The following RNF138 variants were observed in gnomAD, a reference collection of about 807,000 sequenced individuals.
The protein encoded by RNF138 is E3 ubiquitin-protein ligase RNF138.
A neutral mutation model predicts 31.0 loss-of-function variants in RNF138; 12 were observed. That is an observed-to-expected ratio of 0.39 (90% CI 0.25 to 0.63). The LOEUF (loss-of-function observed/expected upper bound fraction) is 0.63, where lower values mean the gene tolerates loss of function less well. RNF138 is among the 20% of genes least tolerant of loss of function. The pLI, the probability that RNF138 is intolerant of heterozygous loss-of-function variation, is 0.52. For missense variants in RNF138, 192 were observed against 300.1 expected (o/e 0.64, Z 2.66); for synonymous variants, 105 against 99.5 (o/e 1.06, Z -0.33).
intron 2 of RNF138, among the ~76,000 whole-genome samples, chr18:32,095,180 T>A (rs112004208): frequency 6.6e-6 from 1 of 151,798 alleles, no homozygotes; most frequent in African/African-American, 2.4e-5. Context: ...AAATTATCGT[T>A]TTTTTTTGAG....
At chr18:32,108,346 C>G (rs563582021) in intron 2 of RNF138, among the ~76,000 whole-genome samples, 7 of 152,268 alleles carry the variant, frequency 4.6e-5, no homozygotes, top group Non-Finnish European at 7.4e-5. Context: ...ATCCCACCTC[C>G]TTCAGGATAC....
chr18:32,128,974 G>GTTAT (rs976980483), intron 7 of RNF138, 145 bp from the exon 8 acceptor site: 2 of 592,688 alleles, frequency 3.4e-6, no homozygotes, highest in African/African-American at 3.7e-5. Context: ...AAAAGATACT[G>GTTAT]TTATATATGT....
chr18:32,093,909 A>G (rs747450816), intron 2 of RNF138, among the ~76,000 whole-genome samples: 2 of 152,274 alleles, frequency 1.3e-5, no homozygotes, highest in East Asian at 1.9e-4. Flanking sequence ...CAAACTTAAC[A>G]AAAGAATGTT....
intron 7 of RNF138, among the ~76,000 whole-genome samples, chr18:32,127,551 T>TTAA (rs2040402722): frequency 6.6e-6 from 1 of 152,216 alleles, no homozygotes; most frequent in Non-Finnish European, 1.5e-5. Context: ...ATCATTCTTG[T>TTAA]TAAATGGTTT....
At chr18:32,107,760 A>C (rs903708658) in intron 2 of RNF138, among the ~76,000 whole-genome samples, 4 of 137,668 alleles carry the variant, frequency 2.9e-5, no homozygotes, top group Non-Finnish European at 6.4e-5. Flanking sequence ...CTTGTTATCC[A>C]CCCGCCTCAG....
At chr18:32,128,791 C>T (rs2040425409) in intron 7 of RNF138, among the ~76,000 whole-genome samples, 1 of 152,134 alleles carries the variant, frequency 6.6e-6, no homozygotes, top group South Asian at 2.1e-4. Flanking sequence ...CAACTACAGG[C>T]GCATGCTTAC....
chr18:32,096,196 A>G (rs1172239157), intron 2 of RNF138, among the ~76,000 whole-genome samples: 2 of 152,220 alleles, frequency 1.3e-5, no homozygotes, highest in Admixed American at 6.5e-5. Context: ...CTAGTAAATA[A>G]TTTTTGGCAG....
chr18:32,093,076 G>T (rs1222527914), intron 2 of RNF138, among the ~76,000 whole-genome samples, 190 bp downstream of exon 2: 1 of 150,126 alleles, frequency 6.7e-6, no homozygotes, highest in Admixed American at 6.6e-5. Context: ...CTCGGGGCCC[G>T]CTCCCCGCGT....
chr18:32,123,588 A>G lies in RNF138; in HGVS notation c.449+14A>G. 1 of 1,543,680 alleles carries G rather than the reference A, an allele frequency of 6.5e-7. No homozygotes were observed. Among genetic ancestry groups the G allele is most frequent in the South Asian group, 1.2e-5 (1 of 84,492 alleles). On this transcript the variant is annotated intron_variant, in intron 5 of 7. Coordinates refer to ENST00000261593, the MANE Select transcript of RNF138 (RefSeq NM_016271.5). The stretch of plus-strand genomic sequence containing the variant: ...AGAGAATACAAGGTAAGCTTTTGAA[A>G]AATCCTGCCACTTTAGCAAGTAATA...
In RNF138 at chr18:32,119,458, T is replaced by C. The variant is rs2040269073; in HGVS notation, c.393-4060T>C. On this transcript the variant is annotated intron_variant, in intron 4 of 7. Transcript: ENST00000261593. ...TTATTTTTTTGAGACAGAGTCTAACTCTGTCTCTCAGGCTGGAGTGCAATG... is the reference window on the plus strand; with the variant it reads ...TTATTTTTTTGAGACAGAGTCTAACCCTGTCTCTCAGGCTGGAGTGCAATG... Among the ~76,000 whole-genome samples the C allele has an allele frequency of 2.6e-5, 4 of 152,090 alleles. No homozygotes were observed. In the South Asian group the frequency reaches 8.3e-4, roughly 32 times the overall value.
At chr18:32,100,442 C>T (rs2144571090) in intron 2 of RNF138, among the ~76,000 whole-genome samples, 1 of 147,756 alleles carries the variant, frequency 6.8e-6, no homozygotes, top group South Asian at 2.1e-4. Flanking sequence ...GGACTACAGG[C>T]ATGTGCCACC....
chr18:32,108,439 C>G (rs1233395059), intron 2 of RNF138, among the ~76,000 whole-genome samples: 1 of 152,114 alleles, frequency 6.6e-6, no homozygotes, highest in Non-Finnish European at 1.5e-5. Flanking sequence ...TCTTTTATAT[C>G]TGGCTTGTTT....
intron 5 of RNF138, chr18:32,124,274 C>G (rs894255548): frequency 6.5e-6 from 1 of 153,012 alleles, no homozygotes; most frequent in Admixed American, 6.5e-5. Context: ...ATGTTGGATT[C>G]CTAGGGCCTG....
chr18:32,113,931 TA>T (rs2040174220), intron 4 of RNF138, 71 bp downstream of exon 4: 2 of 800,992 alleles, frequency 2.5e-6, no homozygotes, highest in South Asian at 1.6e-5. Context: ...AACTATATGA[TA>T]AGGTATTTGG....
chr18:32,096,034 G>A (rs1234662514), intron 2 of RNF138, among the ~76,000 whole-genome samples: 3 of 152,206 alleles, frequency 2.0e-5, no homozygotes, highest in African/African-American at 4.8e-5. Flanking sequence ...GAGGATGAAT[G>A]TGAGCTGGAC....
chr18:32,107,855 CT>C (rs1051048063), intron 2 of RNF138, among the ~76,000 whole-genome samples: 9 of 151,576 alleles, frequency 5.9e-5, no homozygotes, highest in Admixed American at 1.3e-4. Context: ...TATAACTACC[CT>C]TGTTTAAAGG....
At chr18:32,113,611 A>G in intron 3 of RNF138, 134 bp from the exon 4 acceptor site, 2 of 507,374 alleles carry the variant, frequency 3.9e-6, no homozygotes, top group Non-Finnish European at 6.9e-6. Flanking sequence ...TAAGGATGAA[A>G]TCATTTACTT....
intron 4 of RNF138, among the ~76,000 whole-genome samples, chr18:32,120,681 A>T (rs1055683191): frequency 6.6e-6 from 1 of 152,222 alleles, no homozygotes; most frequent in African/African-American, 2.4e-5. Flanking sequence ...GATGATGATG[A>T]CAGTAATAGT....
At chr18:32,112,334 G>A (rs1598855877) in intron 3 of RNF138, among the ~76,000 whole-genome samples, 1 of 152,308 alleles carries the variant, frequency 6.6e-6, no homozygotes. Context: ...ATGGATTTAT[G>A]TAGTTTAAGG....
Sources: gnomAD v4.1 joint callset for allele counts (sites outside exome capture counted in the v4.1 genomes callset) on GRCh38, gnomAD v4.1.1 for gene constraint, MANE v1.5 for transcripts, NCBI Gene and HGNC (gene_info 2026-07-23, HGNC 2026-07-21) for gene names.